The following PIK3R3 variants were observed in gnomAD, a reference collection of about 807,000 sequenced individuals.
PIK3R3 encodes the protein phosphatidylinositol 3-kinase regulatory subunit gamma.
Under a neutral mutation model 62.9 loss-of-function variants are expected in PIK3R3, and 64 were observed. The observed-to-expected ratio is 1.02, with a 90% CI of 0.83 to 1.25. The LOEUF is 1.25. Ranked by LOEUF, PIK3R3 falls within the 50% of genes most tolerant of loss-of-function variation. The pLI is 0.00. For missense variants in PIK3R3, 614 were observed against 561.6 expected, an observed-to-expected ratio of 1.09 and a Z score of -0.94; for synonymous variants, 165 against 189.0, an observed-to-expected ratio of 0.87 and a Z score of 1.04.
At chr1:46,157,321 C>T in the PIK3R3 span, among the ~76,000 whole-genome samples, 1 of 152,082 alleles carries the variant, frequency 6.6e-6, no homozygotes, top group East Asian at 1.9e-4. Flanking sequence ...TTTGTAGAGA[C>T]AGGGTTTTGC....
Position 46,085,987 on chromosome 1 carries a change from G to A in PIK3R3, c.107-5237C>T, listed in dbSNP as rs563542462. 3.2e-4 allele frequency among the ~76,000 whole-genome samples: 49 copies of A among 152,074 alleles called. No homozygotes were observed. The South Asian group carries it at 7.5e-3, about 23-fold the overall frequency. ...TCTCCTGGCCTCAAGTAATCCTTCC[G>A]CCTTGGCCTCCCAAAGTGCTGGGAT... On this transcript the variant is annotated intron_variant, in intron 1 of 9. Coordinates refer to ENST00000262741, the MANE Select transcript of PIK3R3 (RefSeq NM_003629.4).
chr1:46,087,569 T>C (rs867039422), intron 1 of PIK3R3, among the ~76,000 whole-genome samples: 154 of 150,022 alleles, frequency 1.0e-3, no homozygotes, highest in African/African-American at 3.5e-3. Flanking sequence ...ATTCTAGGGT[T>C]ACCCAATGAA....
the PIK3R3 span, among the ~76,000 whole-genome samples, chr1:46,142,410 T>G: frequency 6.6e-6 from 1 of 152,082 alleles, no homozygotes; most frequent in Non-Finnish European, 1.5e-5. Context: ...TTGAAATTAA[T>G]TACAGAGGCC....
rs1336220573 is a variant in PIK3R3, at chr1:46,042,935, C to G, written c.*738G>C. The G allele has an allele frequency of 1.9e-5, 4 of 208,914 alleles. No homozygotes were observed. Among genetic ancestry groups the G allele is most frequent in the Non-Finnish European group, 2.9e-5 (3 of 102,406 alleles). 12.9% of individuals were successfully genotyped at this position (208,914 alleles called of 1,614,324 possible). On this transcript the variant is annotated 3_prime_UTR_variant, in exon 10 of 10. Transcript: ENST00000262741. The surrounding 1 kb of genome is among the most constrained non-coding windows in gnomAD (Gnocchi z 4.3). ...TCACAAATTCTAGTCTTTTTATGTT[C>G]AAGTTTTGGTACAGAAGTATACATT...
At chr1:46,165,714 T>G in the PIK3R3 span, among the ~76,000 whole-genome samples, 1 of 150,438 alleles carries the variant, frequency 6.6e-6, no homozygotes, top group Non-Finnish European at 1.5e-5. Flanking sequence ...CCAGGTCTAT[T>G]TATTTGTTTA....
chr1:46,095,504 C>T lies in PIK3R3; in HGVS notation c.107-14754G>A, dbSNP rs538953919. On this transcript the variant is annotated intron_variant, in intron 1 of 9. Coordinates refer to ENST00000262741, the MANE Select transcript of PIK3R3 (RefSeq NM_003629.4). ...GGGAACAACACACTCTGGGGCCTGT[C>T]GCGGGGTGGTAGGGGGAGAGAGAGC... Among the ~76,000 whole-genome samples, 8 of 152,112 alleles carry T rather than the reference C, an allele frequency of 5.3e-5. No individual in the cohort carries two copies. The South Asian group carries it at 1.5e-3, about 28-fold the overall frequency.
intron 1 of PIK3R3, among the ~76,000 whole-genome samples, chr1:46,119,496 G>A (rs961867451): frequency 5.3e-5 from 8 of 152,132 alleles, no homozygotes; most frequent in African/African-American, 1.7e-4. Context: ...GAACTCAGGC[G>A]TTCTGATTCC....
chr1:46,061,289 AAGTCCTTAGCATTC>A (rs1648457312), intron 6 of PIK3R3, among the ~76,000 whole-genome samples: 1 of 152,214 alleles, frequency 6.6e-6, no homozygotes, highest in East Asian at 1.9e-4. Context: ...GTCAGGCATG[AAGTCCTTAGCATTC>A]CCATGACCTC....
intron 6 of PIK3R3, among the ~76,000 whole-genome samples, chr1:46,058,962 C>G (rs547464746): frequency 6.6e-6 from 1 of 152,280 alleles, no homozygotes; most frequent in Non-Finnish European, 1.5e-5. Flanking sequence ...ACCCGAATCT[C>G]CTCTTGAATT....
chr1:46,166,617 C>T, the PIK3R3 span, among the ~76,000 whole-genome samples: 1 of 152,160 alleles, frequency 6.6e-6, no homozygotes, highest in Non-Finnish European at 1.5e-5. Flanking sequence ...ATGCCCTTCC[C>T]CCACCCCTCC....
chr1:46,130,853 T>C (rs1383854464), intron 1 of PIK3R3, among the ~76,000 whole-genome samples: 10 of 152,156 alleles, frequency 6.6e-5, no homozygotes, highest in Admixed American at 6.5e-4. Context: ...CATCTGTAAC[T>C]GCAAACAGGG....
the PIK3R3 span, among the ~76,000 whole-genome samples, chr1:46,149,761 C>T: frequency 6.6e-6 from 1 of 152,064 alleles, no homozygotes; most frequent in Non-Finnish European, 1.5e-5. Context: ...AAACTCCTGA[C>T]GTCAAGGGAT....
At chr1:46,080,490 G>A in intron 2 of PIK3R3, 152 bp downstream of exon 2, 1 of 649,042 alleles carries the variant, frequency 1.5e-6, no homozygotes, top group South Asian at 1.9e-5. Context: ...CGAACTCCTG[G>A]TATCATGTGA....
chr1:46,145,533 CAA>C, the PIK3R3 span, among the ~76,000 whole-genome samples: 2 of 152,064 alleles, frequency 1.3e-5, no homozygotes, highest in South Asian at 4.1e-4. Flanking sequence ...AGAGAGGACA[CAA>C]GAGAAAGCAA....
At chr1:46,174,575 T>C in the PIK3R3 span, among the ~76,000 whole-genome samples, 1 of 152,084 alleles carries the variant, frequency 6.6e-6, no homozygotes, top group Non-Finnish European at 1.5e-5. Context: ...TGCAGCCAGA[T>C]CTCGGACCGG....
At position 46,061,972 on chromosome 1, in the gene PIK3R3, T is replaced by C. The variant is rs745733381; in HGVS notation, c.721A>G (p.Ile241Val). ...TTCCCCTCTCTGCGAAATCGCTCAA[T>C]ATATTCTTTGCTATGTTGTTCTTGT... ...HTQEQHSKEYIERFRREGNEK... is the reference protein window; with the variant it reads ...HTQEQHSKEYVERFRREGNEK... The change falls in exon 6 of 10, where the codon ATT becomes GTT. Residue 241 changes from isoleucine (I) to valine (V), a missense_variant. Coordinates refer to ENST00000262741, the MANE Select transcript of PIK3R3 (RefSeq NM_003629.4). 2 of 1,613,450 alleles carry C rather than the reference T, an allele frequency of 1.2e-6. No homozygotes were observed. The highest frequency in any genetic ancestry group is 2.2e-5 in the East Asian group (1 of 44,872).
chr1:46,163,212 C>T, the PIK3R3 span, among the ~76,000 whole-genome samples: 3 of 152,214 alleles, frequency 2.0e-5, no homozygotes, highest in Non-Finnish European at 4.4e-5. Context: ...AATTGCCAGT[C>T]CTTCTTTAGA....
chr1:46,077,012 A>G (rs1650126996), intron 3 of PIK3R3, among the ~76,000 whole-genome samples: 1 of 152,218 alleles, frequency 6.6e-6, no homozygotes, highest in Non-Finnish European at 1.5e-5. Context: ...CCTTTTAAAA[A>G]TATGTGCAAA....
upstream of PIK3R3, chr1:46,132,845 G>T (rs1452844951): frequency 8.3e-7 from 1 of 1,209,610 alleles, no homozygotes; most frequent in South Asian, 1.5e-5. Context: ...CGACTTTCAC[G>T]TCTCCCCACC....
Sources: gnomAD v4.1 joint callset for allele counts (sites outside exome capture counted in the v4.1 genomes callset) on GRCh38, gnomAD v4.1.1 for gene constraint, Gnocchi (gnomAD v3.1) non-coding constraint, MANE v1.5 for transcripts, NCBI Gene and HGNC (gene_info 2026-07-23, HGNC 2026-07-21) for gene names.